The following EML6 variants were observed in gnomAD, a reference collection of about 807,000 sequenced individuals.
The protein encoded by EML6 is EMAP like 6, also known as echinoderm microtubule-associated protein-like 6.
A neutral mutation model predicts 240.1 loss-of-function variants in EML6; 154 were observed. That is an observed-to-expected ratio of 0.64 (90% CI 0.56 to 0.73). The LOEUF (loss-of-function observed/expected upper bound fraction) is 0.73, where lower values mean the gene tolerates loss of function less well. EML6 is among the 30% of genes least tolerant of loss of function. The probability of loss-of-function intolerance (pLI) is 0.00; values close to 1 mark genes in which losing one functional copy is unlikely to be tolerated. For synonymous variants in EML6, 1,148 were observed against 899.0 expected (o/e 1.28, Z -4.95); for missense variants, 2,964 against 2,474.6 (o/e 1.20, Z -4.20).
intron 28 of EML6, among the ~76,000 whole-genome samples, chr2:54,940,833 C>G (rs1271597002): frequency 1.3e-5 from 2 of 152,276 alleles, no homozygotes; most frequent in South Asian, 2.1e-4. Context: ...TCAGGAATTA[C>G]AATGTTTGTT....
At chr2:54,833,510 TA>T (rs1403578110) in intron 7 of EML6, among the ~76,000 whole-genome samples, 1 of 152,212 alleles carries the variant, frequency 6.6e-6, no homozygotes, top group Non-Finnish European at 1.5e-5. Flanking sequence ...TGACTTACAG[TA>T]AAAACAATTA....
At chr2:54,730,993 G>T (rs1433281095) in intron 2 of EML6, among the ~76,000 whole-genome samples, 5 of 152,180 alleles carry the variant, frequency 3.3e-5, no homozygotes, top group African/African-American at 1.2e-4. Flanking sequence ...AATAATCACA[G>T]AGAAACTGGG....
intron 28 of EML6, among the ~76,000 whole-genome samples, chr2:54,935,771 A>C (rs1573177161): frequency 6.6e-6 from 1 of 152,266 alleles, no homozygotes; most frequent in East Asian, 1.9e-4. Context: ...AGCACTTTGG[A>C]AGGCTGAGGT....
At chr2:54,752,498 A>G (rs577029848) in intron 2 of EML6, among the ~76,000 whole-genome samples, 3 of 152,274 alleles carry the variant, frequency 2.0e-5, no homozygotes, top group African/African-American at 7.2e-5. Flanking sequence ...GACTCCTCTT[A>G]TGTAGATATG....
At chr2:54,861,395 T>C (rs553088012) in intron 12 of EML6, among the ~76,000 whole-genome samples, 2 of 152,260 alleles carry the variant, frequency 1.3e-5, no homozygotes, top group South Asian at 4.1e-4. Flanking sequence ...TCAGGAGTTA[T>C]CTCCCCAGGA....
intron 2 of EML6, among the ~76,000 whole-genome samples, chr2:54,726,361 A>C (rs1417484844): frequency 6.6e-6 from 1 of 152,192 alleles, no homozygotes; most frequent in African/African-American, 2.4e-5. Flanking sequence ...TGTCATGTCC[A>C]TGCTCCTAAT....
intron 24 of EML6, among the ~76,000 whole-genome samples, chr2:54,905,131 C>T (rs565507978): frequency 4.6e-4 from 70 of 152,136 alleles, no homozygotes; most frequent in African/African-American, 1.4e-3. Context: ...GGGCTTTGAC[C>T]GGCATTTATG....
intron 26 of EML6, among the ~76,000 whole-genome samples, chr2:54,919,200 C>A (rs1178476035): frequency 6.6e-6 from 1 of 152,016 alleles, no homozygotes; most frequent in African/African-American, 2.4e-5. Context: ...TCATGTGAAG[C>A]CACCTGATTG....
At chr2:54,730,150 G>T (rs748796480) in intron 2 of EML6, among the ~76,000 whole-genome samples, 8 of 151,408 alleles carry the variant, frequency 5.3e-5, no homozygotes, top group Non-Finnish European at 7.4e-5. Context: ...AAAAAAAAAA[G>T]AAAAGAAAAA....
At chr2:54,893,504 GA>G (rs1411435059) in intron 19 of EML6, among the ~76,000 whole-genome samples, 1 of 152,180 alleles carries the variant, frequency 6.6e-6, no homozygotes, top group African/African-American at 2.4e-5. Context: ...AGTCAACTCT[GA>G]AAGTTCCCAC....
intron 2 of EML6, among the ~76,000 whole-genome samples, chr2:54,797,168 A>AAAAAAACAAAAAAAAAAAAAC (rs1669840307): frequency 2.4e-5 from 3 of 125,906 alleles, no homozygotes; most frequent in Non-Finnish European, 5.4e-5. Flanking sequence ...CCATCTCAAA[A>AAAAAAACAAAAAAAAAAAAAC]AAAAAAAAAA....
chr2:54,887,657 A>G (rs892471288), intron 17 of EML6, among the ~76,000 whole-genome samples: 1 of 152,198 alleles, frequency 6.6e-6, no homozygotes, highest in Admixed American at 6.5e-5. Flanking sequence ...AAGTCTCTAA[A>G]TAGTTTAGAA....
rs2104537365 is a variant in EML6, at chr2:54,962,458, A to T, written c.4969-65A>T. On this transcript the variant is annotated intron_variant, in intron 35 of 41. Coordinates refer to ENST00000356458, the MANE Select transcript of EML6 (RefSeq NM_001039753.4). The stretch of plus-strand genomic sequence containing the variant: ...GTCTCCATGAATTTGTCTACTCTAG[A>T]TACCTCATATGAGTGCAGTCATACA... The T allele has an allele frequency of 1.8e-5, 22 of 1,248,176 alleles. No homozygotes were observed. In the South Asian group the frequency reaches 3.3e-4, roughly 19 times the overall value. The allele number at this position is 1,248,176 out of a possible 1,614,324, so 77.3% of individuals were successfully genotyped here.
intron 6 of EML6, 63 bp from the exon 7 acceptor site, chr2:54,829,279 C>G (rs1346084908): frequency 4.2e-6 from 6 of 1,439,130 alleles, no homozygotes; most frequent in African/African-American, 1.4e-5. Context: ...CAACATTCAA[C>G]TGTATCTATT....
chr2:54,784,011 A>G (rs1287228000), intron 2 of EML6, among the ~76,000 whole-genome samples: 1 of 151,982 alleles, frequency 6.6e-6, no homozygotes, highest in Admixed American at 6.6e-5. Context: ...TACAGTCGTG[A>G]TCATAGTTCA....
chr2:54,885,386 G>T (rs368362391), intron 17 of EML6, among the ~76,000 whole-genome samples: 1 of 151,936 alleles, frequency 6.6e-6, no homozygotes. Flanking sequence ...GGCGGAGGTT[G>T]TAGTGAGCCG....
chr2:54,883,278 G>GT (rs926300911), intron 17 of EML6, among the ~76,000 whole-genome samples: 3 of 151,802 alleles, frequency 2.0e-5, no homozygotes, highest in African/African-American at 4.8e-5. Context: ...TCTATAACTG[G>GT]TTTTTTTCAC....
chr2:54,918,875 C>T (rs1045267859), intron 26 of EML6, among the ~76,000 whole-genome samples: 8 of 152,218 alleles, frequency 5.3e-5, no homozygotes, highest in Non-Finnish European at 1.0e-4. Flanking sequence ...GTACCCATTA[C>T]TGTCTGGTTA....
rs1488857582 is a variant in EML6, at chr2:54,800,395, CCA to C, written c.198-12829_198-12828del. On this transcript the variant is annotated intron_variant, in intron 2 of 41. Coordinates refer to ENST00000356458, the MANE Select transcript of EML6 (RefSeq NM_001039753.4). ...GCTTGAATTCAGGAATAAACTTTAG[CCA>C]CACACACGTACATACACACATATAA... Among the ~76,000 whole-genome samples, 3 of 152,048 alleles carry C rather than the reference CCA, an allele frequency of 2.0e-5. No homozygotes were observed. The East Asian group carries it at 5.8e-4, about 29-fold the overall frequency.
Sources: gnomAD v4.1 joint callset for allele counts (sites outside exome capture counted in the v4.1 genomes callset) on GRCh38, gnomAD v4.1.1 for gene constraint, MANE v1.5 for transcripts, NCBI Gene and HGNC (gene_info 2026-07-23, HGNC 2026-07-21) for gene names.